The following WDR25 variants were observed in gnomAD, a reference collection of about 807,000 sequenced individuals.
The protein encoded by WDR25 is WD repeat-containing protein 25.
In WDR25, 35 loss-of-function variants were observed where a neutral mutation model predicts 47.7. The ratio of observed to expected loss-of-function variants is 0.73; its 90% CI spans 0.56 to 0.97. The LOEUF is 0.97. WDR25 is among the 50% of genes least tolerant of loss of function. The pLI is 0.00. For synonymous variants in WDR25, 248 were observed against 278.9 expected (o/e 0.89, Z 1.10); for missense variants, 634 against 704.7 (o/e 0.90, Z 1.14).
At chr14:100,463,821 G>A (rs1673316184) in intron 2 of WDR25, among the ~76,000 whole-genome samples, 1 of 152,070 alleles carries the variant, frequency 6.6e-6, no homozygotes, top group South Asian at 2.1e-4. Context: ...ATGTGTCCTG[G>A]GCTTTTCCCT....
chr14:100,413,649 G>A (rs1050321968), intron 2 of WDR25, among the ~76,000 whole-genome samples: 75 of 152,210 alleles, frequency 4.9e-4, no homozygotes, highest in African/African-American at 1.5e-3. Flanking sequence ...TCCTGACCTC[G>A]TGATCCACCC....
chr14:100,382,596 G>T (rs547978898), intron 2 of WDR25, among the ~76,000 whole-genome samples: 1 of 152,296 alleles, frequency 6.6e-6, no homozygotes, highest in Non-Finnish European at 1.5e-5. Context: ...CAGTATGGAG[G>T]TACAGTGTGA....
Position 100,517,410 on chromosome 14 carries a change from A to T in WDR25, c.1102-8460A>T, listed in dbSNP as rs564151130. ...ATTATTTTAACATTTTTATTATATC[A>T]TATTATTTTATCTATTAGCTTTTTG... On this transcript the variant is annotated intron_variant, in intron 4 of 6. Transcript: ENST00000402312. 1.3e-4 allele frequency among the ~76,000 whole-genome samples: 19 copies of T among 151,848 alleles called. No individual in the cohort carries two copies. In the East Asian group the frequency reaches 3.7e-3, roughly 29 times the overall value.
At chr14:100,489,158 G>A (rs2140328874) in intron 4 of WDR25, among the ~76,000 whole-genome samples, 1 of 152,338 alleles carries the variant, frequency 6.6e-6, no homozygotes, top group East Asian at 1.9e-4. Context: ...AGGAGGACTT[G>A]GGAGACCCTG....
rs1595506490 is a variant in WDR25, at chr14:100,406,293, C to T, written c.822+24547C>T. 2.6e-5 allele frequency among the ~76,000 whole-genome samples: 4 copies of T among 152,230 alleles called. No homozygotes were observed. The South Asian group carries it at 8.3e-4, about 32-fold the overall frequency. ...TGAGGAGCATAGGCAGGTGTGTTTG[C>T]CATTCTTATGTACTCAGGAGGGGTA... On this transcript the variant is annotated intron_variant, in intron 2 of 6. Coordinates refer to ENST00000402312, the MANE Select transcript of WDR25 (RefSeq NM_001161476.3).
At chr14:100,492,482 C>T (rs1036716852) in intron 4 of WDR25, among the ~76,000 whole-genome samples, 2 of 152,194 alleles carry the variant, frequency 1.3e-5, no homozygotes, top group Non-Finnish European at 2.9e-5. Flanking sequence ...TTAACACCCA[C>T]CCCACTTGAT....
chr14:100,447,308 C>G (rs1182578370), intron 2 of WDR25, among the ~76,000 whole-genome samples: 1 of 152,184 alleles, frequency 6.6e-6, no homozygotes, highest in Non-Finnish European at 1.5e-5. Context: ...ACTGGAGACC[C>G]ATAAATCTAC....
At chr14:100,466,909 C>T (rs1899649141) in intron 2 of WDR25, among the ~76,000 whole-genome samples, 1 of 152,244 alleles carries the variant, frequency 6.6e-6, no homozygotes, top group Non-Finnish European at 1.5e-5. Flanking sequence ...TTCCCCTGGG[C>T]TGCACGGTGT....
chr14:100,389,235 A>G (rs1442126229), intron 2 of WDR25, among the ~76,000 whole-genome samples: 1 of 152,226 alleles, frequency 6.6e-6, no homozygotes, highest in Non-Finnish European at 1.5e-5. Flanking sequence ...ATGACCATGA[A>G]CATTTTGCAA....
At chr14:100,418,769 G>C (rs559579644) in intron 2 of WDR25, among the ~76,000 whole-genome samples, 19 of 152,106 alleles carry the variant, frequency 1.2e-4, no homozygotes, top group Admixed American at 3.9e-4. Flanking sequence ...GCGGTGGCGG[G>C]GGGGGGTCCT....
Position 100,457,743 on chromosome 14 carries a change from G to A in WDR25, c.823-10278G>A, listed in dbSNP as rs149109420. Among the ~76,000 whole-genome samples, 452 of 152,264 alleles carry A rather than the reference G, an allele frequency of 3.0e-3. 1 individual carries two copies. The highest frequency in any genetic ancestry group is 5.2e-3 in the Non-Finnish European group (355 of 68,024). ...TAGAGTAAAAACATAATAATGTGCCGTTTGTAACATATGTAGATGTAAAAT... is the reference window on the plus strand; with the variant it reads ...TAGAGTAAAAACATAATAATGTGCCATTTGTAACATATGTAGATGTAAAAT... On this transcript the variant is annotated intron_variant, in intron 2 of 6. Coordinates refer to ENST00000402312, the MANE Select transcript of WDR25 (RefSeq NM_001161476.3).
chr14:100,473,208 T>C (rs1234271019), intron 3 of WDR25, among the ~76,000 whole-genome samples: 1 of 152,124 alleles, frequency 6.6e-6, no homozygotes, highest in African/African-American at 2.4e-5. Flanking sequence ...GCCTGGCCTG[T>C]GTGGAGGTGA....
rs138159744 is a variant in WDR25 at position 100,521,513 on chromosome 14, A to G, written c.1102-4357A>G. On this transcript the variant is annotated intron_variant, in intron 4 of 6. Coordinates refer to ENST00000402312, the MANE Select transcript of WDR25 (RefSeq NM_001161476.3). ...TGTTCACGTCCCCTCTTCTTTACACAGTTTTTTCTCCCACTTTGAATTTTT... is the reference window on the plus strand; with the variant it reads ...TGTTCACGTCCCCTCTTCTTTACACGGTTTTTTCTCCCACTTTGAATTTTT... Among the ~76,000 whole-genome samples the G allele has an allele frequency of 8.0e-4, 122 of 152,150 alleles. 2 individuals carry two copies. Among genetic ancestry groups the G allele is most frequent in the African/African-American group, 2.7e-3 (112 of 41,492 alleles).
At chr14:100,435,459 T>C (rs1460143111) in intron 2 of WDR25, among the ~76,000 whole-genome samples, 2 of 152,178 alleles carry the variant, frequency 1.3e-5, no homozygotes, top group Non-Finnish European at 2.9e-5. Flanking sequence ...AGGGTTTATG[T>C]ACTCAAAGTT....
At chr14:100,513,240 G>A (rs1234781161) in intron 4 of WDR25, among the ~76,000 whole-genome samples, 1 of 152,176 alleles carries the variant, frequency 6.6e-6, no homozygotes, top group Non-Finnish European at 1.5e-5. Context: ...GTATTAGGGG[G>A]TGGGGGCACA....
chr14:100,413,708 C>T (rs1013002964), intron 2 of WDR25, among the ~76,000 whole-genome samples: 2 of 152,298 alleles, frequency 1.3e-5, no homozygotes, highest in East Asian at 1.9e-4. Flanking sequence ...CCACCGCGCC[C>T]GGCCTTGCCA....
intron 4 of WDR25, among the ~76,000 whole-genome samples, chr14:100,486,370 A>G (rs1900383743): frequency 6.6e-6 from 1 of 152,218 alleles, no homozygotes; most frequent in Admixed American, 6.5e-5. Context: ...AATTAGAAGC[A>G]GATGTTGCTG....
intron 4 of WDR25, among the ~76,000 whole-genome samples, chr14:100,491,722 T>C (rs1900572645): frequency 6.6e-6 from 1 of 152,238 alleles, no homozygotes; most frequent in Non-Finnish European, 1.5e-5. Context: ...TGGAGAAGCC[T>C]GCATGGACAG....
intron 4 of WDR25, among the ~76,000 whole-genome samples, chr14:100,507,610 A>T (rs975549174): frequency 6.8e-6 from 1 of 146,814 alleles, no homozygotes; most frequent in Non-Finnish European, 1.5e-5. Flanking sequence ...CCTTGTAGAG[A>T]TCTTTCACCT....
Sources: allele counts gnomAD v4.1 joint callset (sites outside exome capture counted in the v4.1 genomes callset), GRCh38; gene constraint gnomAD v4.1.1; transcripts MANE v1.5; gene names NCBI Gene and HGNC (gene_info 2026-07-23, HGNC 2026-07-21).